The following CDH18 variants were observed in gnomAD, a reference collection of about 807,000 sequenced individuals.
CDH18 encodes cadherin-18.
CDH18 carries 31 observed loss-of-function variants against 67.9 expected under a neutral mutation model. The observed-to-expected ratio is 0.46, with a 90% CI of 0.34 to 0.62. The LOEUF (loss-of-function observed/expected upper bound fraction) is 0.62, where lower values mean the gene tolerates loss of function less well. CDH18 is among the 20% of genes least tolerant of loss of function. CDH18 has a pLI of 0.01. For synonymous variants in CDH18, 362 were observed against 347.2 expected, an observed-to-expected ratio of 1.04 and a Z score of -0.48; for missense variants, 890 against 975.5, an observed-to-expected ratio of 0.91 and a Z score of 1.17.
chr5:19,497,856 T>C (rs1486460201), intron 11 of CDH18, among the ~76,000 whole-genome samples: 4 of 152,164 alleles, frequency 2.6e-5, no homozygotes, highest in Admixed American at 2.6e-4. Flanking sequence ...TGTCAAGAAA[T>C]GTAAAGGGTG....
intron 1 of CDH18, among the ~76,000 whole-genome samples, chr5:20,543,387 T>C (rs1449748595): frequency 6.6e-6 from 1 of 152,110 alleles, no homozygotes; most frequent in Non-Finnish European, 1.5e-5. Flanking sequence ...TATGACAATA[T>C]TTATATTGAT....
intron 2 of CDH18, among the ~76,000 whole-genome samples, chr5:20,205,898 G>A (rs1027617868): frequency 6.6e-6 from 1 of 151,708 alleles, no homozygotes; most frequent in African/African-American, 2.4e-5. Context: ...TACCAAAAAA[G>A]TGTAAAGACT....
In CDH18 at chr5:19,473,919, C is replaced by T. The variant is rs147180617; in HGVS notation, c.1883-203G>A. ...CCTCAAATAATGTAAAAGATGATTA[C>T]CCCAGGAGACATTGCGAATTGCTGA... On this transcript the variant is annotated intron_variant, in intron 12 of 12. Coordinates refer to ENST00000382275, the MANE Select transcript of CDH18 (RefSeq NM_004934.5). 4.4e-3 allele frequency among the ~76,000 whole-genome samples: 670 copies of T among 152,182 alleles called. 4 individuals carry two copies. Among genetic ancestry groups the T allele is most frequent in the African/African-American group, 0.015 (624 of 41,544 alleles).
intron 2 of CDH18, among the ~76,000 whole-genome samples, chr5:19,903,646 G>A (rs1790208435): frequency 8.5e-6 from 1 of 116,968 alleles, no homozygotes; most frequent in Non-Finnish European, 1.7e-5. Flanking sequence ...TTTTCCTCCA[G>A]GACTATAAAT....
At chr5:19,859,989 G>GGTGTGC (rs1784711541) in intron 2 of CDH18, among the ~76,000 whole-genome samples, 1 of 143,148 alleles carries the variant, frequency 7.0e-6, no homozygotes, top group African/African-American at 2.6e-5. Flanking sequence ...GTTTGCTTTG[G>GGTGTGC]GTGTGTGTGT....
At chr5:20,380,452 C>A (rs1743823060) in intron 1 of CDH18, among the ~76,000 whole-genome samples, 1 of 152,178 alleles carries the variant, frequency 6.6e-6, no homozygotes. Context: ...AGCTCATTAT[C>A]TGTTGGATAG....
intron 1 of CDH18, among the ~76,000 whole-genome samples, chr5:20,312,007 G>T (rs1443526675): frequency 2.0e-5 from 3 of 152,032 alleles, no homozygotes; most frequent in African/African-American, 7.2e-5. Context: ...CCTTGCATAT[G>T]GGTTTCTTTT....
chr5:20,291,052 G>A (rs776755106), intron 1 of CDH18, among the ~76,000 whole-genome samples: 6 of 152,010 alleles, frequency 3.9e-5, no homozygotes, highest in Non-Finnish European at 7.4e-5. Flanking sequence ...GTGATTATAA[G>A]AATGAAGCAG....
chr5:19,962,925 C>T (rs1490276716), intron 2 of CDH18, among the ~76,000 whole-genome samples: 1 of 152,078 alleles, frequency 6.6e-6, no homozygotes. Flanking sequence ...ATTGAGCTTG[C>T]TATCCTTTCT....
chr5:20,169,735 T>A (rs1004046948), intron 2 of CDH18, among the ~76,000 whole-genome samples: 11 of 152,158 alleles, frequency 7.2e-5, no homozygotes, highest in Non-Finnish European at 1.6e-4. Flanking sequence ...AGACTCACTA[T>A]GATGTTAGCA....
At chr5:19,624,022 A>ATTG (rs1476431720) in intron 5 of CDH18, among the ~76,000 whole-genome samples, 1 of 146,646 alleles carries the variant, frequency 6.8e-6, no homozygotes, top group Non-Finnish European at 1.5e-5. Flanking sequence ...TATTATTATT[A>ATTG]TTGAGATGGA....
rs200203304 is a variant in CDH18, at chr5:19,495,748, AAAG to A, written c.1630+7241_1630+7243del. Among the ~76,000 whole-genome samples the A allele has an allele frequency of 1.8e-3, 272 of 149,178 alleles. 2 individuals are homozygous for A. Among genetic ancestry groups the A allele is most frequent in the African/African-American group, 6.3e-3 (250 of 39,794 alleles). Reference sequence around the variant, plus strand: ...AAAAAAAAAAAAAAAAAAAAGAAAGAAAGAAAGAAAAGAATATCTCCACTTATG... The same window carrying A: ...AAAAAAAAAAAAAAAAAAAAGAAAGAAAAGAAAAGAATATCTCCACTTATG... On this transcript the variant is annotated intron_variant, in intron 11 of 12. Coordinates refer to ENST00000382275, the MANE Select transcript of CDH18 (RefSeq NM_004934.5).
At chr5:20,287,032 A>T (rs1746745525) in intron 1 of CDH18, among the ~76,000 whole-genome samples, 1 of 151,798 alleles carries the variant, frequency 6.6e-6, no homozygotes, top group Non-Finnish European at 1.5e-5. Context: ...TCAAAATCAC[A>T]TCCCAATACC....
chr5:19,957,334 T>C (rs1372443054), intron 2 of CDH18, among the ~76,000 whole-genome samples: 1 of 150,972 alleles, frequency 6.6e-6, no homozygotes, highest in Non-Finnish European at 1.5e-5. Flanking sequence ...TATATGTAAT[T>C]ATAATTTATA....
intron 1 of CDH18, among the ~76,000 whole-genome samples, chr5:20,385,640 G>C (rs1267625942): frequency 6.6e-6 from 1 of 152,138 alleles, no homozygotes; most frequent in Non-Finnish European, 1.5e-5. Context: ...CATCAAACTA[G>C]TGATGTATGA....
chr5:19,612,539 T>C lies in CDH18; in HGVS notation c.706A>G (p.Ile236Val). The C allele has an allele frequency of 1.2e-6, 2 of 1,614,052 alleles. No individual in the cohort carries two copies. Among genetic ancestry groups the C allele is most frequent in the South Asian group, 1.1e-5 (1 of 91,084 alleles). The change falls in exon 6 of 13, where the codon ATT becomes GTT. Residue 236 changes from isoleucine (I) to valine (V), a missense_variant. Physicochemically the swap from Ile to Val is conservative, Grantham distance 29. Around this residue, in one of 2 missense-constraint regions of CDH18, gnomAD observed 234 missense variants for 307.4 expected, o/e 0.76. Coordinates refer to ENST00000382275, the MANE Select transcript of CDH18 (RefSeq NM_004934.5). ...TGCCCAGCCATGTCTTTGGCTTGAA[T>C]GACTACGGAGTAATGTTCTCTGGCT... Reference protein sequence around the residue: ...REAREHYSVVIQAKDMAGQVG... With the variant: ...REAREHYSVVVQAKDMAGQVG...
intron 2 of CDH18, among the ~76,000 whole-genome samples, chr5:20,108,367 C>T (rs980100805): frequency 2.6e-5 from 4 of 152,096 alleles, no homozygotes; most frequent in Non-Finnish European, 5.9e-5. Context: ...GCTAAGATTA[C>T]AGCCGTGAGC....
rs565912670 is a variant in CDH18 at position 19,552,938 on chromosome 5, A to G, written c.1254-8933T>C. On this transcript the variant is annotated intron_variant, in intron 8 of 12. Coordinates refer to ENST00000382275, the MANE Select transcript of CDH18 (RefSeq NM_004934.5). ...CTGTACCATTTCATATCTCTAGTAA[A>G]TGTTTTAAAGCAATGATGAAAGTAA... Among the ~76,000 whole-genome samples, 14 of 123,786 alleles carry G rather than the reference A, an allele frequency of 1.1e-4. No homozygotes were observed. The East Asian group carries it at 2.1e-3, about 19-fold the overall frequency. 81.2% of individuals were successfully genotyped at this position (123,786 alleles called of 152,430 possible). A position where few individuals can be genotyped will look rare whatever the true frequency, so the allele number is the denominator to read the frequency against.
At chr5:19,874,604 G>T (rs2150033162) in intron 2 of CDH18, among the ~76,000 whole-genome samples, 1 of 152,120 alleles carries the variant, frequency 6.6e-6, no homozygotes, top group East Asian at 1.9e-4. Context: ...ATTTAGATTT[G>T]TTCCTTATTA....
Sources: gnomAD v4.1 joint callset for allele counts (sites outside exome capture counted in the v4.1 genomes callset) on GRCh38, gnomAD v4.1.1 for gene constraint, gnomAD v4.1.1 regional missense constraint, MANE v1.5 for transcripts, NCBI Gene and HGNC (gene_info 2026-07-23, HGNC 2026-07-21) for gene names.